Variants in ITGB8 observed in about 807,000 individuals in gnomAD.
ITGB8 encodes the protein integrin beta-8.
A neutral mutation model predicts 89.5 loss-of-function variants in ITGB8; 30 were observed. The ratio of observed to expected loss-of-function variants is 0.34; its 90% CI spans 0.25 to 0.45. The LOEUF is 0.45. Among genes scored for constraint, ITGB8 ranks in the 20% least tolerant of loss-of-function variants. The probability of loss-of-function intolerance (pLI) is 1.00; values close to 1 mark genes in which losing one functional copy is unlikely to be tolerated. For synonymous variants in ITGB8, 335 were observed against 320.4 expected, an observed-to-expected ratio of 1.05 and a Z score of -0.49; for missense variants, 836 against 933.3, an observed-to-expected ratio of 0.90 and a Z score of 1.36.
chr7:20,401,903 T>C lies in ITGB8; in HGVS notation c.1464T>C (p.Asp488=), dbSNP rs1322795002. Residue 488 remains aspartate (D), a synonymous_variant, in exon 10 of 14, where the codon GAT becomes GAC. Transcript: ENST00000222573. ...AGTGTGTAGATGAAACTTTTCTAGATTCCAAGTGTTTCCAGTGTGATGAGA... is the reference window on the plus strand; with the variant it reads ...AGTGTGTAGATGAAACTTTTCTAGACTCCAAGTGTTTCCAGTGTGATGAGA... ...KGKCVDETFL[D]SKCFQCDENK... The C allele has an allele frequency of 6.2e-7, 1 of 1,613,964 alleles. No homozygotes were observed.
At chr7:20,382,449 T>A (rs888966450) in intron 6 of ITGB8, among the ~76,000 whole-genome samples, 2 of 152,234 alleles carry the variant, frequency 1.3e-5, no homozygotes, top group Non-Finnish European at 2.9e-5. Flanking sequence ...AAGCTCTGAA[T>A]CATATATTTA....
chr7:20,399,206 T>A, intron 9 of ITGB8: 1 of 521,858 alleles, frequency 1.9e-6, no homozygotes. Flanking sequence ...TTTTAATATG[T>A]ATATGTGTGT....
chr7:20,382,654 G>C (rs1786446151), intron 6 of ITGB8, among the ~76,000 whole-genome samples: 1 of 152,038 alleles, frequency 6.6e-6, no homozygotes, highest in South Asian at 2.1e-4. Context: ...TGACACCCGT[G>C]GGTCAAAAGA....
chr7:20,365,904 T>C (rs1472536017), intron 2 of ITGB8: 1 of 151,754 alleles, frequency 6.6e-6, no homozygotes, highest in East Asian at 1.9e-4. Context: ...TTTTTTTTTT[T>C]TTCTCCCCAT....
intron 12 of ITGB8, among the ~76,000 whole-genome samples, chr7:20,406,431 T>G (rs1028448386): frequency 9.2e-5 from 14 of 151,868 alleles, no homozygotes; most frequent in Non-Finnish European, 2.9e-5. Context: ...GCACCTGTAG[T>G]CCCACCTACT....
intron 3 of ITGB8, among the ~76,000 whole-genome samples, chr7:20,374,617 G>C (rs1168635760): frequency 1.3e-5 from 2 of 152,144 alleles, no homozygotes; most frequent in African/African-American, 4.8e-5. Context: ...TTAGGAAGGA[G>C]CAGATTACTG....
intron 3 of ITGB8, among the ~76,000 whole-genome samples, chr7:20,378,004 C>T (rs1350521895): frequency 2.0e-5 from 3 of 152,134 alleles, no homozygotes; most frequent in Admixed American, 6.5e-5. Context: ...GTTTTCCATT[C>T]GGAATATTCT....
At chr7:20,353,538 G>A (rs544136645) in intron 1 of ITGB8, among the ~76,000 whole-genome samples, 54 of 151,894 alleles carry the variant, frequency 3.6e-4, no homozygotes, top group African/African-American at 1.2e-3. Context: ...TGAGGATGGC[G>A]GCATTAAAAA....
Position 20,404,871 on chromosome 7 carries a change from C to T in ITGB8, c.1913+18C>T. The T allele has an allele frequency of 6.3e-7, 1 of 1,599,104 alleles. No individual in the cohort carries two copies. Among genetic ancestry groups the T allele is most frequent in the Non-Finnish European group, 8.6e-7 (1 of 1,166,168 alleles). Reference sequence around the variant, plus strand: ...GAAAACTGGTATGATTTCTTTGACTCCAAACATACACAAAGAATAGCTACT... The same window carrying T: ...GAAAACTGGTATGATTTCTTTGACTTCAAACATACACAAAGAATAGCTACT... On this transcript the variant is annotated intron_variant, in intron 11 of 13. Transcript: ENST00000222573.
intron 1 of ITGB8, among the ~76,000 whole-genome samples, chr7:20,332,202 T>C (rs1784427362): frequency 6.6e-6 from 1 of 152,194 alleles, no homozygotes; most frequent in Non-Finnish European, 1.5e-5. Context: ...TAGAAAGGAA[T>C]TTTGGAAAAG....
rs373457016 is a variant in ITGB8 at position 20,399,017 on chromosome 7, C to T, written c.1281+23C>T. The stretch of plus-strand genomic sequence containing the variant: ...GAAGTATGTGGGTGTGCATTTTTCC[C>T]TTTTAAAATAAACTAAGTTGTTTGG... On this transcript the variant is annotated intron_variant, in intron 9 of 13. Transcript: ENST00000222573. 41 of 1,594,772 alleles carry T rather than the reference C, an allele frequency of 2.6e-5. No individual in the cohort carries two copies. The South Asian group carries it at 4.5e-4, about 18-fold the overall frequency.
chr7:20,364,995 G>T (rs1413010892), intron 2 of ITGB8: 2 of 152,192 alleles, frequency 1.3e-5, no homozygotes, highest in Admixed American at 1.3e-4. Flanking sequence ...TAGTTTGGAA[G>T]AGCCTTCAAA....
Position 20,331,319 on chromosome 7 carries a change from G to C in ITGB8, c.-488G>C. The C allele has an allele frequency of 2.6e-6, 1 of 384,148 alleles. No individual in the cohort carries two copies. The highest frequency in any genetic ancestry group is 6.6e-4 in the Middle Eastern group (1 of 1,522). 23.8% of individuals were successfully genotyped at this position (384,148 alleles called of 1,614,324 possible). A position where few individuals can be genotyped will look rare whatever the true frequency, so the allele number is the denominator to read the frequency against. ...AGACTTTTTTCCCCTCGACCTCGCCGGCGTCCCCTCCCACAGATCCAGCAT... is the reference window on the plus strand; with the variant it reads ...AGACTTTTTTCCCCTCGACCTCGCCCGCGTCCCCTCCCACAGATCCAGCAT... On this transcript the variant is annotated 5_prime_UTR_variant, in exon 1 of 14. Coordinates refer to ENST00000222573, the MANE Select transcript of ITGB8 (RefSeq NM_002214.3).
At chr7:20,341,266 T>G (rs1784745796) in intron 1 of ITGB8, among the ~76,000 whole-genome samples, 1 of 152,102 alleles carries the variant, frequency 6.6e-6, no homozygotes, top group Non-Finnish European at 1.5e-5. Context: ...GCTCTAGAAA[T>G]GACAGATGGG....
chr7:20,394,882 GAT>G lies in ITGB8; in HGVS notation c.1057-11_1057-10del. On this transcript the variant is annotated splice_polypyrimidine_tract_variant and intron_variant, in intron 7 of 13. Transcript: ENST00000222573. Reference sequence around the variant, plus strand: ...CTATTGTCATTGTTTAAATGCTACTGATATGTTTTATAGGATCTTCTACCCCT... The same window carrying G: ...CTATTGTCATTGTTTAAATGCTACTGATGTTTTATAGGATCTTCTACCCCT... The G allele has an allele frequency of 6.4e-7, 1 of 1,566,344 alleles. No individual in the cohort carries two copies. Among genetic ancestry groups the G allele is most frequent in the Non-Finnish European group, 8.8e-7 (1 of 1,136,482 alleles).
chr7:20,406,562 AAG>A (rs1238390144), intron 12 of ITGB8, among the ~76,000 whole-genome samples: 1 of 151,934 alleles, frequency 6.6e-6, no homozygotes, highest in Non-Finnish European at 1.5e-5. Flanking sequence ...AAAAAAAAAA[AAG>A]AGGACTGAGG....
intron 6 of ITGB8, among the ~76,000 whole-genome samples, chr7:20,382,245 C>CA (rs1786429145): frequency 6.6e-6 from 1 of 151,986 alleles, no homozygotes; most frequent in Admixed American, 6.6e-5. Flanking sequence ...TCGATATCTA[C>CA]AAACATTTTA....
chr7:20,365,034 A>G (rs1217622256), intron 2 of ITGB8: 12 of 152,342 alleles, frequency 7.9e-5, no homozygotes, highest in Admixed American at 6.5e-4. Context: ...GTTGTCAGCC[A>G]CATGTAACAT....
At chr7:20,388,631 C>CT (rs1049119830) in intron 6 of ITGB8, among the ~76,000 whole-genome samples, 13 of 151,292 alleles carry the variant, frequency 8.6e-5, no homozygotes, top group African/African-American at 2.4e-4. Context: ...TTCGACTAAT[C>CT]TTTTTTTTTC....
Sources: allele counts gnomAD v4.1 joint callset (sites outside exome capture counted in the v4.1 genomes callset), GRCh38; gene constraint gnomAD v4.1.1; transcripts MANE v1.5; gene names NCBI Gene and HGNC (gene_info 2026-07-23, HGNC 2026-07-21).